The following EYS variants were observed in gnomAD, a reference collection of about 807,000 sequenced individuals.
EYS encodes protein eyes shut homolog.
In EYS, 250 loss-of-function variants were observed where a neutral mutation model predicts 282.1. The observed-to-expected ratio is 0.89, with a 90% CI of 0.80 to 0.98. The LOEUF (loss-of-function observed/expected upper bound fraction) is 0.98, where lower values mean the gene tolerates loss of function less well. Ranked by LOEUF, EYS falls within the 50% of genes least tolerant of loss-of-function variation. The probability of loss-of-function intolerance (pLI) is 0.00; values close to 1 mark genes in which losing one functional copy is unlikely to be tolerated. For missense variants in EYS, 4,016 were observed against 3,709.0 expected (o/e 1.08, Z -2.15); for synonymous variants, 1,355 against 1,282.9 (o/e 1.06, Z -1.20).
intron 13 of EYS, among the ~76,000 whole-genome samples, chr6:65,042,187 C>T (rs1772957877): frequency 6.6e-6 from 1 of 151,476 alleles, no homozygotes; most frequent in East Asian, 1.9e-4. Context: ...TAGATCATCA[C>T]ATTTTTATGC....
At chr6:63,799,202 C>G (rs1023502223) in intron 37 of EYS, among the ~76,000 whole-genome samples, 16 of 151,372 alleles carry the variant, frequency 1.1e-4, no homozygotes, top group African/African-American at 2.4e-5. Flanking sequence ...TTAGTAGAGA[C>G]AGGGTCTTGC....
Position 64,889,533 on chromosome 6 carries a change from G to A in EYS, c.2847-2691C>T, listed in dbSNP as rs145239116. 2.4e-4 allele frequency among the ~76,000 whole-genome samples: 37 copies of A among 152,074 alleles called. 1 individual carries two copies. In the East Asian group the frequency reaches 5.8e-3, roughly 24 times the overall value. On this transcript the variant is annotated intron_variant, in intron 18 of 42. Coordinates refer to ENST00000503581, the MANE Select transcript of EYS (RefSeq NM_001142800.2). ...GTCAGGGACCCCAAATGGAGGGACC[G>A]ACTGAAGCCATGACAGAAGAACGTG...
chr6:64,486,580 C>T (rs1335899864), intron 26 of EYS, among the ~76,000 whole-genome samples: 1 of 151,400 alleles, frequency 6.6e-6, no homozygotes, highest in East Asian at 1.9e-4. Flanking sequence ...ATTGGCAGAG[C>T]AGCAGGCATG....
intron 12 of EYS, among the ~76,000 whole-genome samples, chr6:65,264,886 T>A (rs1447490888): frequency 2.0e-5 from 3 of 151,776 alleles, no homozygotes; most frequent in Admixed American, 1.3e-4. Flanking sequence ...TCTGTGTAGA[T>A]ATATCTTATT....
At chr6:65,426,207 G>A (rs1036913466) in intron 5 of EYS, among the ~76,000 whole-genome samples, 19 of 151,846 alleles carry the variant, frequency 1.3e-4, no homozygotes, top group African/African-American at 4.1e-4. Flanking sequence ...TCAAACTTAC[G>A]GCCTCAAGGG....
At chr6:64,874,961 G>A (rs1463821273) in intron 19 of EYS, among the ~76,000 whole-genome samples, 1 of 149,248 alleles carries the variant, frequency 6.7e-6, no homozygotes, top group Non-Finnish European at 1.5e-5. Context: ...CATTCCAAAT[G>A]CAGTACTGCT....
chr6:64,468,387 C>G (rs1452624532), intron 26 of EYS, among the ~76,000 whole-genome samples: 1 of 152,186 alleles, frequency 6.6e-6, no homozygotes, highest in East Asian at 1.9e-4. Context: ...GAACACCAAT[C>G]CAAACAATTG....
intron 19 of EYS, among the ~76,000 whole-genome samples, chr6:64,847,298 T>C (rs924522950): frequency 6.6e-6 from 1 of 152,058 alleles, no homozygotes; most frequent in Non-Finnish European, 1.5e-5. Context: ...TGTGTGTGTG[T>C]GTGTATCCTA....
intron 35 of EYS, among the ~76,000 whole-genome samples, chr6:63,879,253 G>T (rs924880888): frequency 3.9e-5 from 6 of 152,120 alleles, no homozygotes; most frequent in Non-Finnish European, 8.8e-5. Context: ...ATTATTTGAT[G>T]TATCCATGGA....
In EYS at chr6:64,783,658, C is replaced by T. The variant is rs141110032; in HGVS notation, c.3443+29720G>A. On this transcript the variant is annotated intron_variant, in intron 22 of 42. Coordinates refer to ENST00000503581, the MANE Select transcript of EYS (RefSeq NM_001142800.2). ...TCAGAATTCAATAATATTTCAATGG[C>T]TATACCATTTAAAAATACACATGTA... 5.0e-3 allele frequency among the ~76,000 whole-genome samples: 754 copies of T among 152,134 alleles called. 5 individuals carry two copies. The highest frequency in any genetic ancestry group is 0.014 in the Middle Eastern group (4 of 294).
chr6:64,484,287 A>G (rs1431289669), intron 26 of EYS, among the ~76,000 whole-genome samples: 2 of 151,648 alleles, frequency 1.3e-5, no homozygotes, highest in African/African-American at 4.8e-5. Context: ...CCTACTAAAC[A>G]AAGTCAGATT....
intron 5 of EYS, among the ~76,000 whole-genome samples, chr6:65,430,243 C>T (rs1200834852): frequency 6.6e-6 from 1 of 152,106 alleles, no homozygotes; most frequent in African/African-American, 2.4e-5. Flanking sequence ...AACTTCATAT[C>T]ACTGAAAGAA....
At chr6:65,535,916 A>C (rs2127314583) in intron 2 of EYS, among the ~76,000 whole-genome samples, 1 of 152,252 alleles carries the variant, frequency 6.6e-6, no homozygotes, top group African/African-American at 2.4e-5. Flanking sequence ...CCATCACAGT[A>C]ATATACAGGT....
At chr6:64,836,601 T>C (rs1050398797) in intron 19 of EYS, among the ~76,000 whole-genome samples, 5 of 151,584 alleles carry the variant, frequency 3.3e-5, no homozygotes, top group African/African-American at 1.2e-4. Flanking sequence ...ACCAAAATTT[T>C]TTTCATAAAA....
intron 28 of EYS, among the ~76,000 whole-genome samples, chr6:64,401,193 G>C (rs546151341): frequency 6.6e-6 from 1 of 152,024 alleles, no homozygotes; most frequent in African/African-American, 2.4e-5. Flanking sequence ...AAATTCCATC[G>C]TGTTGGAAAT....
At chr6:64,992,394 AC>A (rs1239413616) in intron 14 of EYS, among the ~76,000 whole-genome samples, 3 of 151,910 alleles carry the variant, frequency 2.0e-5, no homozygotes, top group Admixed American at 6.6e-5. Context: ...CTCTAAGCTT[AC>A]AAGTTGTTTA....
At chr6:64,418,444 T>A (rs1410384364) in intron 28 of EYS, among the ~76,000 whole-genome samples, 1 of 152,202 alleles carries the variant, frequency 6.6e-6, no homozygotes, top group Non-Finnish European at 1.5e-5. Flanking sequence ...AAAGGAGTCT[T>A]TCCTGTGTTC....
At position 63,720,287 on chromosome 6, in the gene EYS, A is replaced by G. The variant is rs1014850280; in HGVS notation, c.*309T>C. On this transcript the variant is annotated 3_prime_UTR_variant, in exon 43 of 43. Transcript: ENST00000503581. ...TTTTTAAAATTGTGTTTACACGTTG[A>G]TTTTAAAATGTAAGCATTAGGGATA... The G allele has an allele frequency of 1.9e-5, 7 of 368,576 alleles. No homozygotes were observed. Among genetic ancestry groups the G allele is most frequent in the African/African-American group, 1.5e-4 (7 of 47,938 alleles). The allele number at this position is 368,576 out of a possible 1,614,324, so 22.8% of individuals were successfully genotyped here. A position where few individuals can be genotyped will look rare whatever the true frequency, so the allele number is the denominator to read the frequency against.
Position 65,446,320 on chromosome 6 carries a change from T to G in EYS, c.863-40953A>C, listed in dbSNP as rs116316240. ...TTCAATAATTATAGCTAATTAATAC[T>G]TTTTCATCAAGTAAAATTTTACCAG... On this transcript the variant is annotated intron_variant, in intron 5 of 42. Coordinates refer to ENST00000503581, the MANE Select transcript of EYS (RefSeq NM_001142800.2). Among the ~76,000 whole-genome samples the G allele has an allele frequency of 6.8e-3, 1,039 of 152,006 alleles. 6 individuals carry two copies. Among genetic ancestry groups the G allele is most frequent in the South Asian group, 0.011 (55 of 4,830 alleles).
Sources: gnomAD v4.1 joint callset for allele counts (sites outside exome capture counted in the v4.1 genomes callset) on GRCh38, gnomAD v4.1.1 for gene constraint, MANE v1.5 for transcripts, NCBI Gene and HGNC (gene_info 2026-07-23, HGNC 2026-07-21) for gene names.